HMGN5: variants seen among roughly 807,000 people sequenced by gnomAD.
HMGN5 encodes high mobility group nucleosome-binding domain-containing protein 5.
In HMGN5, 4 loss-of-function variants were observed where a neutral mutation model predicts 9.5. The ratio of observed to expected loss-of-function variants is 0.42; its 90% CI spans 0.21 to 0.96. The LOEUF is 0.96. HMGN5 is among the 40% of genes least tolerant of loss of function. HMGN5 has a pLI of 0.30. For missense variants in HMGN5, 192 were observed against 187.5 expected (o/e 1.02, Z -0.14); for synonymous variants, 55 against 57.1 (o/e 0.96, Z 0.16).
At chrX:81,149,760 A>G (rs1041105279) in intron 1 of HMGN5, among the ~76,000 whole-genome samples, 7 of 112,227 alleles carry the variant, frequency 6.2e-5, no homozygotes, top group Non-Finnish European at 1.3e-4. Flanking sequence ...GAGTAGCTAT[A>G]CTTACATCAG....
chrX:81,185,372 A>C (rs2147647249), intron 1 of HMGN5, among the ~76,000 whole-genome samples: 1 of 111,100 alleles, frequency 9.0e-6, no homozygotes, highest in South Asian at 3.7e-4. Context: ...TTTTATTTGT[A>C]GCTACTGCAA....
intron 1 of HMGN5, among the ~76,000 whole-genome samples, chrX:81,189,446 C>T (rs968682104): frequency 8.9e-6 from 1 of 112,091 alleles, no homozygotes; most frequent in Non-Finnish European, 1.9e-5. Context: ...CATAGTTTTG[C>T]CTTTTCCATA....
intron 5 of HMGN5, among the ~76,000 whole-genome samples, chrX:81,116,761 T>C (rs2147533963): frequency 8.9e-6 from 1 of 111,766 alleles, no homozygotes; most frequent in South Asian, 3.8e-4. Flanking sequence ...TACGCCTCCA[T>C]TGGTAATAAT....
At chrX:81,182,344 T>C (rs750264407) in intron 1 of HMGN5, among the ~76,000 whole-genome samples, 2 of 112,406 alleles carry the variant, frequency 1.8e-5, no homozygotes, top group South Asian at 7.3e-4. Context: ...ATTCTGGTTA[T>C]AAATTCCTTG....
intron 1 of HMGN5, among the ~76,000 whole-genome samples, chrX:81,199,139 T>G (rs1312640421): frequency 1.6e-4 from 18 of 110,918 alleles, no homozygotes; most frequent in African/African-American, 4.6e-4. Context: ...TTGCTACAAA[T>G]AGAATAAAAT....
At chrX:81,183,649 G>C (rs1029474717) in intron 1 of HMGN5, among the ~76,000 whole-genome samples, 3 of 113,011 alleles carry the variant, frequency 2.7e-5, no homozygotes, top group Non-Finnish European at 3.7e-5. Context: ...TGCTGCAGGG[G>C]TGGAGCCCTC....
chrX:81,117,354 A>G, intron 5 of HMGN5, among the ~76,000 whole-genome samples: 1 of 99,476 alleles, frequency 1.0e-5, no homozygotes, highest in Non-Finnish European at 2.0e-5. Context: ...TCCCAGGCTC[A>G]AGCAATCCTC....
intron 1 of HMGN5, 129 bp from the exon 2 acceptor site, chrX:81,121,801 C>T: frequency 3.3e-6 from 1 of 302,656 alleles, no homozygotes; most frequent in Non-Finnish European, 5.8e-6. Flanking sequence ...TAAGAAGAGG[C>T]AGCCGGCTTT....
chrX:81,150,990 A>G (rs760405968), intron 1 of HMGN5, among the ~76,000 whole-genome samples: 1 of 112,024 alleles, frequency 8.9e-6, no homozygotes, highest in Admixed American at 9.5e-5. Flanking sequence ...TATCCCAGTA[A>G]AGAAAAGCTG....
At chrX:81,148,296 G>A (rs1229051725) in intron 1 of HMGN5, among the ~76,000 whole-genome samples, 4 of 111,488 alleles carry the variant, frequency 3.6e-5, no homozygotes, top group Non-Finnish European at 7.5e-5. Flanking sequence ...TAGACCAATG[G>A]AACAGAACAG....
At chrX:81,134,479 T>C (rs1255907561) in intron 1 of HMGN5, among the ~76,000 whole-genome samples, 1 of 111,433 alleles carries the variant, frequency 9.0e-6, no homozygotes, top group Non-Finnish European at 1.9e-5. Context: ...CAGTATGTTT[T>C]TGTGTATATC....
At chrX:81,154,975 G>T (rs1339648130) in intron 1 of HMGN5, among the ~76,000 whole-genome samples, 1 of 105,580 alleles carries the variant, frequency 9.5e-6, no homozygotes, top group Non-Finnish European at 1.9e-5. Flanking sequence ...TTCCTCAAAT[G>T]ACTAAAAATA....
chrX:81,180,482 A>C (rs2075459285), intron 1 of HMGN5, among the ~76,000 whole-genome samples: 1 of 112,406 alleles, frequency 8.9e-6, no homozygotes, highest in Non-Finnish European at 1.9e-5. Context: ...GAGAAATGCA[A>C]ATCAAAACCA....
At chrX:81,147,286 A>C (rs1199675478) in intron 1 of HMGN5, among the ~76,000 whole-genome samples, 1 of 111,734 alleles carries the variant, frequency 8.9e-6, no homozygotes, top group Non-Finnish European at 1.9e-5. Context: ...CATATCAAAA[A>C]GCTTATCCAC....
At chrX:81,145,638 T>C (rs938871013) in intron 1 of HMGN5, among the ~76,000 whole-genome samples, 3 of 111,703 alleles carry the variant, frequency 2.7e-5, no homozygotes, top group Admixed American at 9.5e-5. Flanking sequence ...CAGGATCAAA[T>C]TGACACATAA....
intron 1 of HMGN5, among the ~76,000 whole-genome samples, chrX:81,150,873 G>A (rs1487082668): frequency 2.7e-5 from 3 of 111,541 alleles, no homozygotes; most frequent in African/African-American, 9.8e-5. Flanking sequence ...AAATCTAGAA[G>A]AAATGAACAA....
intron 1 of HMGN5, among the ~76,000 whole-genome samples, chrX:81,164,318 G>C (rs895995891): frequency 4.5e-5 from 5 of 111,621 alleles, no homozygotes; most frequent in African/African-American, 1.6e-4. Flanking sequence ...GAATCAGAAA[G>C]ATAGCTGTGT....
chrX:81,136,584 G>T (rs991679503), intron 1 of HMGN5, among the ~76,000 whole-genome samples: 1 of 111,335 alleles, frequency 9.0e-6, no homozygotes, highest in African/African-American at 3.3e-5. Flanking sequence ...ACTCAAGATA[G>T]AATTCTAAAA....
chrX:81,179,400 C>T (rs2075453596), intron 1 of HMGN5, among the ~76,000 whole-genome samples: 2 of 111,426 alleles, frequency 1.8e-5, no homozygotes, highest in South Asian at 3.8e-4. Flanking sequence ...CATTCTTATA[C>T]ACCAATAACA....
Sources: allele counts gnomAD v4.1 joint callset (sites outside exome capture counted in the v4.1 genomes callset), GRCh38; gene constraint gnomAD v4.1.1; transcripts MANE v1.5; gene names NCBI Gene and HGNC (gene_info 2026-07-23, HGNC 2026-07-21).